LRP1B: variants seen among roughly 807,000 people sequenced by gnomAD.
LRP1B encodes the protein low-density lipoprotein receptor-related protein 1B.
LRP1B carries 217 observed loss-of-function variants against 556.6 expected under a neutral mutation model. That is an observed-to-expected ratio of 0.39 (90% CI 0.35 to 0.44). LRP1B has a LOEUF of 0.44. LRP1B is among the 20% of genes least tolerant of loss of function. The pLI is 1.00. For missense variants in LRP1B, 5,053 were observed against 5,620.8 expected (o/e 0.90, Z 3.23); for synonymous variants, 2,047 against 1,865.8 (o/e 1.10, Z -2.50).
intron 1 of LRP1B, among the ~76,000 whole-genome samples, chr2:142,044,117 A>G (rs1704162490): frequency 6.6e-6 from 1 of 151,792 alleles, no homozygotes; most frequent in African/African-American, 2.4e-5. Flanking sequence ...CTTAATTCTT[A>G]TCACAAATGT....
chr2:140,441,194 T>C (rs767309640), intron 66 of LRP1B, among the ~76,000 whole-genome samples: 8 of 152,030 alleles, frequency 5.3e-5, no homozygotes, highest in African/African-American at 2.4e-5. Flanking sequence ...CATGCTAACG[T>C]GAGGAAAAGG....
At position 140,596,405 on chromosome 2, in the gene LRP1B, C is replaced by T. The variant is rs546584309; in HGVS notation, c.7194+2226G>A. Among the ~76,000 whole-genome samples the T allele has an allele frequency of 5.2e-4, 79 of 152,260 alleles. 6 individuals carry two copies. The South Asian group carries it at 0.016, about 31-fold the overall frequency. ...GGATGCTGTTCATTTTCTTCCCTGT[C>T]GATTTTACTGATGTTCTTAAAATGT... On this transcript the variant is annotated intron_variant, in intron 43 of 90. Transcript: ENST00000389484.
chr2:140,333,448 A>G (rs996735715), intron 79 of LRP1B, among the ~76,000 whole-genome samples: 1 of 152,106 alleles, frequency 6.6e-6, no homozygotes, highest in Non-Finnish European at 1.5e-5. Flanking sequence ...TAGACATTCA[A>G]TGGGCATATT....
At chr2:140,686,735 G>T (rs1686065047) in intron 41 of LRP1B, among the ~76,000 whole-genome samples, 1 of 151,702 alleles carries the variant, frequency 6.6e-6, no homozygotes, top group African/African-American at 2.4e-5. Flanking sequence ...AAATAATGAG[G>T]GTCTCAGTAT....
chr2:140,413,111 A>G (rs1314655468), intron 66 of LRP1B, among the ~76,000 whole-genome samples: 1 of 152,160 alleles, frequency 6.6e-6, no homozygotes, highest in Non-Finnish European at 1.5e-5. Flanking sequence ...AAAGTAGTAG[A>G]TATAATAGTA....
At chr2:141,001,425 CTTG>C (rs1697420133) in intron 15 of LRP1B, among the ~76,000 whole-genome samples, 1 of 151,958 alleles carries the variant, frequency 6.6e-6, no homozygotes, top group Non-Finnish European at 1.5e-5. Context: ...CACCCGTTAA[CTTG>C]TTATTTACAT....
intron 41 of LRP1B, among the ~76,000 whole-genome samples, chr2:140,618,500 C>T (rs1683334769): frequency 6.6e-6 from 1 of 152,002 alleles, no homozygotes; most frequent in South Asian, 2.1e-4. Flanking sequence ...ATCCTTTAGG[C>T]ATACATTTGA....
At chr2:140,750,072 GCACACGTA>G (rs1346795812) in intron 35 of LRP1B, among the ~76,000 whole-genome samples, 129 of 123,242 alleles carry the variant, frequency 1.0e-3, no homozygotes, top group African/African-American at 4.0e-3. Flanking sequence ...TATATACTGT[GCACACGTA>G]CACACACACA....
intron 3 of LRP1B, among the ~76,000 whole-genome samples, chr2:141,318,595 A>T (rs1687115849): frequency 6.6e-6 from 1 of 152,068 alleles, no homozygotes; most frequent in Non-Finnish European, 1.5e-5. Flanking sequence ...CAGGAAATGG[A>T]GATCATAATA....
intron 7 of LRP1B, among the ~76,000 whole-genome samples, chr2:141,063,589 G>C (rs74451993): frequency 6.6e-6 from 1 of 151,718 alleles, no homozygotes; most frequent in Non-Finnish European, 1.5e-5. Context: ...CATGCTAAAC[G>C]ATCAAATCAC....
At chr2:141,214,789 A>C (rs567492906) in intron 6 of LRP1B, among the ~76,000 whole-genome samples, 8 of 152,318 alleles carry the variant, frequency 5.3e-5, no homozygotes, top group African/African-American at 1.9e-4. Context: ...GCCGGTAGTC[A>C]CTAAGAAGAC....
At chr2:141,722,422 A>G (rs926872770) in intron 2 of LRP1B, among the ~76,000 whole-genome samples, 1 of 152,074 alleles carries the variant, frequency 6.6e-6, no homozygotes, top group Non-Finnish European at 1.5e-5. Context: ...TTCATGCAGA[A>G]GGGCCCTGCG....
rs1486339855 is a variant in LRP1B at position 140,990,498 on chromosome 2, G to A, written c.2645-841C>T. On this transcript the variant is annotated intron_variant, in intron 16 of 90. Coordinates refer to ENST00000389484, the MANE Select transcript of LRP1B (RefSeq NM_018557.3). ...ACACAGAAAAGAAAATGAAAACACA[G>A]AAAAGAAAAATGCATCACTTGTGAC... is the stretch of plus-strand genomic sequence containing the variant. Among the ~76,000 whole-genome samples, 7 of 151,686 alleles carry A rather than the reference G, an allele frequency of 4.6e-5. No homozygotes were observed. In the East Asian group the frequency reaches 1.4e-3, roughly 29 times the overall value.
Position 141,176,757 on chromosome 2 carries a change from A to T in LRP1B, c.1013+11664T>A, listed in dbSNP as rs1680756378. 3.9e-5 allele frequency among the ~76,000 whole-genome samples: 6 copies of T among 152,234 alleles called. No individual in the cohort carries two copies. The South Asian group carries it at 1.2e-3, about 32-fold the overall frequency. On this transcript the variant is annotated intron_variant, in intron 7 of 90. Transcript: ENST00000389484. ...GAATCTAATAAAAATGACTCACTCT[A>T]AGTAAAATAATAAAACTGAATTTTG...
chr2:141,993,320 G>A (rs1040551936), intron 1 of LRP1B, among the ~76,000 whole-genome samples: 4 of 152,088 alleles, frequency 2.6e-5, no homozygotes, highest in Non-Finnish European at 5.9e-5. Context: ...TACAATCCAG[G>A]AGTCTTCATT....
chr2:141,792,250 T>G (rs1470857535), intron 2 of LRP1B, among the ~76,000 whole-genome samples: 2 of 151,750 alleles, frequency 1.3e-5, no homozygotes, highest in Non-Finnish European at 2.9e-5. Flanking sequence ...CTAAGAACAA[T>G]AAAAAAGAAA....
intron 66 of LRP1B, among the ~76,000 whole-genome samples, chr2:140,396,386 A>G (rs1684258325): frequency 6.6e-6 from 1 of 152,192 alleles, no homozygotes; most frequent in African/African-American, 2.4e-5. Flanking sequence ...GATCAGAACC[A>G]CCATACAATT....
intron 86 of LRP1B, among the ~76,000 whole-genome samples, chr2:140,254,047 A>C (rs2104912522): frequency 6.6e-6 from 1 of 152,300 alleles, no homozygotes; most frequent in African/African-American, 2.4e-5. Flanking sequence ...TTTAGCTCAA[A>C]GTGAGAGTAA....
At chr2:141,815,668 C>T (rs554579573) in intron 1 of LRP1B, among the ~76,000 whole-genome samples, 249 of 151,194 alleles carry the variant, frequency 1.6e-3, no homozygotes, top group African/African-American at 5.9e-3. Context: ...AGGACAAAAA[C>T]GGAACATGGG....
Sources: gnomAD v4.1 joint callset for allele counts (sites outside exome capture counted in the v4.1 genomes callset) on GRCh38, gnomAD v4.1.1 for gene constraint, MANE v1.5 for transcripts, NCBI Gene and HGNC (gene_info 2026-07-23, HGNC 2026-07-21) for gene names.